ATP5F1A: variants seen among roughly 807,000 people sequenced by gnomAD.
ATP5F1A encodes the protein ATP synthase F(1) complex subunit alpha, mitochondrial.
In ATP5F1A, 24 loss-of-function variants were observed where a neutral mutation model predicts 57.4. That is an observed-to-expected ratio of 0.42 (90% CI 0.30 to 0.59). The LOEUF (loss-of-function observed/expected upper bound fraction) is 0.59. ATP5F1A is among the 20% of genes least tolerant of loss of function. ATP5F1A has a pLI of 0.19. For missense variants in ATP5F1A, 494 were observed against 707.9 expected (o/e 0.70, Z 3.43); for synonymous variants, 251 against 255.5 (o/e 0.98, Z 0.17).
intron 5 of ATP5F1A, among the ~76,000 whole-genome samples, chr18:46,089,180 C>T (rs187038181): frequency 1.3e-4 from 20 of 152,162 alleles, no homozygotes; most frequent in Non-Finnish European, 2.4e-4. Flanking sequence ...TGCTGAGCGC[C>T]GTTCCCCTGG....
At chr18:46,087,763 C>T (rs1356511322) in intron 6 of ATP5F1A, 1 of 443,636 alleles carries the variant, frequency 2.3e-6, no homozygotes, top group Non-Finnish European at 4.0e-6. Flanking sequence ...ACCTGTAATC[C>T]CAGCTACTCG....
intron 5 of ATP5F1A, 111 bp from the exon 6 acceptor site, chr18:46,088,368 A>G (rs987661455): frequency 2.9e-6 from 3 of 1,033,610 alleles, no homozygotes; most frequent in African/African-American, 3.3e-5. Flanking sequence ...AGAAGAAGAC[A>G]TAAGAAACTC....
chr18:46,096,954 G>C lies in ATP5F1A; in HGVS notation c.60+1218C>G, dbSNP rs938277368. On this transcript the variant is annotated intron_variant, in intron 1 of 11. Transcript: ENST00000398752. ...GCGGAGATCACGCCATTGCAATCCA[G>C]CCTGGGCGACTGAGCGAGACACCAT... Among the ~76,000 whole-genome samples the C allele has an allele frequency of 3.0e-5, 4 of 133,000 alleles. No individual in the cohort carries two copies. In the Admixed American group the frequency reaches 3.5e-4, roughly 12 times the overall value. 87.3% of individuals were successfully genotyped at this position (133,000 alleles called of 152,430 possible).
rs779728877 is a variant in ATP5F1A, at chr18:46,095,149, T to C, written c.61-18A>G. 1 of 1,607,326 alleles carries C rather than the reference T, an allele frequency of 6.2e-7. No homozygotes were observed. On this transcript the variant is annotated intron_variant, in intron 1 of 11. Coordinates refer to ENST00000398752, the MANE Select transcript of ATP5F1A (RefSeq NM_004046.6). ...CTGGAGACCTAGTGCAAAAGTATTC[T>C]TAAAAATTTGATTTTTAACAAAGCC...
chr18:46,083,450 CAA>C lies in ATP5F1A; in HGVS notation c.*830_*831del, dbSNP rs1213628611. ...GATGGAGACCCTGTCACAAAACAAA[CAA>C]AAGAGATATTGACAAGTTTTCATAA... On this transcript the variant is annotated 3_prime_UTR_variant, in exon 12 of 12. Transcript: ENST00000398752. The C allele has an allele frequency of 5.3e-5, 8 of 152,184 alleles. No individual in the cohort carries two copies. The highest frequency in any genetic ancestry group is 2.1e-4 in the South Asian group (1 of 4,820). 9.4% of individuals were successfully genotyped at this position (152,184 alleles called of 1,614,324 possible).
At position 46,086,150 on chromosome 18, in the gene ATP5F1A, G is replaced by A. The variant is rs143320751; in HGVS notation, c.1392C>T (p.Gly464=). 6.2e-6 allele frequency: 10 copies of A among 1,611,986 alleles called. No homozygotes were observed. The African/African-American group carries it at 6.7e-5, about 11-fold the overall frequency. The change falls in exon 10 of 12, where the codon GGC becomes GGT. Residue 464 remains glycine, a synonymous_variant. Transcript: ENST00000398752. ...DAATQQLLSR[G]VRLTELLKQG... ...GCTTCAGCAACTCAGTTAGACGCAC[G>A]CCACGACTCAAAAGTTGTTGAGTGG... is the stretch of plus-strand genomic sequence containing the variant.
Position 46,086,486 on chromosome 18 carries a change from CAA to C in ATP5F1A, c.1183_1184del (p.Leu395GlyfsTer14). ...VISITDGQIF[L>X]ETELFYKGIR... is the part of the protein sequence containing the mutation. ...TACCTTTGTAGAACAATTCTGTTTC[CAA>C]GAAGATCTATAATGTAAGGAAATAC... On this transcript the variant is annotated frameshift_variant, in exon 9 of 12. Coordinates refer to ENST00000398752, the MANE Select transcript of ATP5F1A (RefSeq NM_004046.6). LOFTEE classifies it high-confidence loss of function. 6.2e-7 allele frequency: 1 copy of C among 1,613,640 alleles called. No homozygotes were observed. Among genetic ancestry groups the C allele is most frequent in the Non-Finnish European group, 8.5e-7 (1 of 1,179,858 alleles).
At chr18:46,098,022 G>T (rs1220870716) in intron 1 of ATP5F1A, 150 bp downstream of exon 1, 2 of 1,421,366 alleles carry the variant, frequency 1.4e-6, no homozygotes, top group Non-Finnish European at 1.8e-6. Context: ...CACCTGTGTC[G>T]CCTGCTCTGT....
chr18:46,091,648 T>C, intron 3 of ATP5F1A, 34 bp downstream of exon 3: 20 of 1,536,988 alleles, frequency 1.3e-5, no homozygotes, highest in Non-Finnish European at 1.7e-5. Flanking sequence ...AAGACTTAGA[T>C]CCTAAAACAC....
At chr18:46,085,534 C>G (rs1188433429) in intron 10 of ATP5F1A, 1 of 151,936 alleles carries the variant, frequency 6.6e-6, no homozygotes, top group Non-Finnish European at 1.5e-5. Context: ...GAAGCTAAGG[C>G]TGCAGGACTG....
chr18:46,089,425 A>G, intron 5 of ATP5F1A, 141 bp downstream of exon 5: 1 of 1,044,246 alleles, frequency 9.6e-7, no homozygotes, highest in Non-Finnish European at 1.4e-6. Context: ...GGCCCCCTTC[A>G]CTTCCCAGCT....
At chr18:46,097,989 T>G in intron 1 of ATP5F1A, 183 bp downstream of exon 1, 29 of 1,410,662 alleles carry the variant, frequency 2.1e-5, no homozygotes, top group Non-Finnish European at 2.7e-5. Flanking sequence ...ATTCTGCCTC[T>G]GCGCAGGTGA....
rs149355871 is a variant in ATP5F1A at position 46,098,133 on chromosome 18, C to T, written c.60+39G>A. ...CCGGCGCACCACCACCCTGCAGCCCCACCCGGCCGCCTGCATCATGCCGGC... is the reference window on the plus strand; with the variant it reads ...CCGGCGCACCACCACCCTGCAGCCCTACCCGGCCGCCTGCATCATGCCGGC... On this transcript the variant is annotated intron_variant, in intron 1 of 11. Transcript: ENST00000398752. The T allele has an allele frequency of 2.2e-4, 343 of 1,581,768 alleles. 1 individual carries two copies. The East Asian group carries it at 7.1e-3, about 33-fold the overall frequency.
chr18:46,084,276 A>G lies in ATP5F1A; in HGVS notation c.*6T>C, dbSNP rs1909924226. ...GAACTGGTATTTGATGTGAATCCAC[A>G]GGAGTTTAAGCTTCAAATCCAGCCA... On this transcript the variant is annotated 3_prime_UTR_variant, in exon 12 of 12. Coordinates refer to ENST00000398752, the MANE Select transcript of ATP5F1A (RefSeq NM_004046.6). 3 of 1,609,068 alleles carry G rather than the reference A, an allele frequency of 1.9e-6. No homozygotes were observed. Among genetic ancestry groups the G allele is most frequent in the East Asian group, 2.2e-5 (1 of 44,844 alleles).
At chr18:46,092,915 A>G (rs1436884440) in intron 2 of ATP5F1A, among the ~76,000 whole-genome samples, 1 of 152,022 alleles carries the variant, frequency 6.6e-6, no homozygotes, top group East Asian at 1.9e-4. Flanking sequence ...TGGGATGCCA[A>G]AGGGGGTGGA....
At chr18:46,093,998 T>G (rs1320075463) in intron 2 of ATP5F1A, among the ~76,000 whole-genome samples, 1 of 151,568 alleles carries the variant, frequency 6.6e-6, no homozygotes, top group East Asian at 1.9e-4. Context: ...TCCCACCTAC[T>G]CGGGAGGCTG....
At chr18:46,095,529 C>G (rs1315926301) in intron 1 of ATP5F1A, among the ~76,000 whole-genome samples, 4 of 151,990 alleles carry the variant, frequency 2.6e-5, no homozygotes, top group Non-Finnish European at 5.9e-5. Context: ...GCTGGCCAGG[C>G]TGGTCTCGAA....
chr18:46,096,075 G>C (rs1417423546), intron 1 of ATP5F1A, among the ~76,000 whole-genome samples: 1 of 151,932 alleles, frequency 6.6e-6, no homozygotes, highest in Non-Finnish European at 1.5e-5. Flanking sequence ...TTTTAGTAGA[G>C]ACAGGGTTTC....
intron 1 of ATP5F1A, among the ~76,000 whole-genome samples, chr18:46,096,747 C>T (rs976689960): frequency 2.0e-5 from 3 of 151,094 alleles, no homozygotes; most frequent in Non-Finnish European, 4.4e-5. Flanking sequence ...TTCAGAAGGC[C>T]GAGGCGAGCG....
Sources: gnomAD v4.1 joint callset for allele counts (sites outside exome capture counted in the v4.1 genomes callset) on GRCh38, gnomAD v4.1.1 for gene constraint, MANE v1.5 for transcripts, NCBI Gene and HGNC (gene_info 2026-07-23, HGNC 2026-07-21) for gene names.